GALNT17: variants seen among roughly 807,000 people sequenced by gnomAD.
GALNT17 encodes the protein polypeptide N-acetylgalactosaminyltransferase 17.
In GALNT17, 29 loss-of-function variants were observed where a neutral mutation model predicts 63.7. The ratio of observed to expected loss-of-function variants is 0.46; its 90% CI spans 0.34 to 0.62. The LOEUF is 0.62. Ranked by LOEUF, GALNT17 falls within the 20% of genes least tolerant of loss-of-function variation. The pLI is 0.01. For missense variants in GALNT17, 603 were observed against 799.6 expected, an observed-to-expected ratio of 0.75 and a Z score of 2.97; for synonymous variants, 305 against 318.3, an observed-to-expected ratio of 0.96 and a Z score of 0.45.
At chr7:71,278,224 A>C (rs1790716494) in intron 1 of GALNT17, among the ~76,000 whole-genome samples, 2 of 152,230 alleles carry the variant, frequency 1.3e-5, no homozygotes, top group Admixed American at 1.3e-4. Flanking sequence ...ACAGATGAGC[A>C]AATTGAGGCT....
intron 9 of GALNT17, among the ~76,000 whole-genome samples, chr7:71,701,638 C>T (rs573297957): frequency 1.2e-4 from 18 of 151,394 alleles, no homozygotes; most frequent in African/African-American, 4.4e-4. Flanking sequence ...CTTGTATGTT[C>T]ATCACAGCAC....
intron 5 of GALNT17, among the ~76,000 whole-genome samples, chr7:71,513,005 A>G (rs1788386185): frequency 6.6e-6 from 1 of 152,222 alleles, no homozygotes; most frequent in Non-Finnish European, 1.5e-5. Context: ...TGCAATTAAA[A>G]CACATTAAAA....
intron 6 of GALNT17, among the ~76,000 whole-genome samples, chr7:71,600,299 TA>T (rs202191487): frequency 6.0e-4 from 85 of 142,608 alleles, no homozygotes; most frequent in African/African-American, 1.8e-3. Flanking sequence ...GGGATGATAA[TA>T]AAAAAAAAAT....
chr7:71,518,802 G>A (rs1788483072), intron 5 of GALNT17, among the ~76,000 whole-genome samples: 1 of 152,180 alleles, frequency 6.6e-6, no homozygotes, highest in Admixed American at 6.5e-5. Context: ...CTGGGTTCCA[G>A]TAAATGGTCT....
At chr7:71,450,463 T>A (rs1787241653) in intron 5 of GALNT17, among the ~76,000 whole-genome samples, 1 of 152,224 alleles carries the variant, frequency 6.6e-6, no homozygotes. Context: ...AGTGGATTAG[T>A]GGAACTCGTG....
chr7:71,498,776 A>G (rs774390907), intron 5 of GALNT17, among the ~76,000 whole-genome samples: 8 of 152,134 alleles, frequency 5.3e-5, no homozygotes, highest in Non-Finnish European at 1.0e-4. Flanking sequence ...GCCTCTGAAA[A>G]CCCTGGAGAA....
chr7:71,374,686 A>G (rs940356313), intron 2 of GALNT17, among the ~76,000 whole-genome samples: 6 of 149,682 alleles, frequency 4.0e-5, no homozygotes, highest in Non-Finnish European at 7.4e-5. Flanking sequence ...CATAGTAGAA[A>G]CAGGATCTGC....
chr7:71,309,381 G>A (rs550985879), intron 1 of GALNT17, among the ~76,000 whole-genome samples: 2 of 151,934 alleles, frequency 1.3e-5, no homozygotes, highest in African/African-American at 2.4e-5. Flanking sequence ...GTGAGTTGAG[G>A]CACACGCTTT....
chr7:71,285,020 G>A (rs1479415664), intron 1 of GALNT17, among the ~76,000 whole-genome samples: 6 of 152,024 alleles, frequency 3.9e-5, no homozygotes, highest in African/African-American at 1.2e-4. Flanking sequence ...GAAAAATAAT[G>A]CAAAATTCAT....
At chr7:71,337,885 A>G (rs1791937767) in intron 2 of GALNT17, among the ~76,000 whole-genome samples, 1 of 151,850 alleles carries the variant, frequency 6.6e-6, no homozygotes, top group African/African-American at 2.4e-5. Context: ...ACAAACAAAC[A>G]AACAAACAAC....
At chr7:71,439,308 C>T (rs1029232790) in intron 5 of GALNT17, among the ~76,000 whole-genome samples, 2 of 152,190 alleles carry the variant, frequency 1.3e-5, no homozygotes, top group African/African-American at 2.4e-5. Flanking sequence ...AGTGCACTTA[C>T]AGAATGGTGA....
intron 9 of GALNT17, 78 bp from the exon 10 acceptor site, chr7:71,710,683 A>G (rs752454945): frequency 1.8e-5 from 27 of 1,529,332 alleles, no homozygotes; most frequent in Non-Finnish European, 2.3e-5. Flanking sequence ...TAAAGCCGAG[A>G]GACCTGAGCC....
At chr7:71,587,685 A>G (rs1789739782) in intron 6 of GALNT17, among the ~76,000 whole-genome samples, 1 of 152,084 alleles carries the variant, frequency 6.6e-6, no homozygotes. Flanking sequence ...TGCTGTGGGT[A>G]ATACTTTTTT....
intron 1 of GALNT17, among the ~76,000 whole-genome samples, chr7:71,297,255 G>A (rs975994333): frequency 2.0e-5 from 3 of 152,058 alleles, no homozygotes; most frequent in Non-Finnish European, 4.4e-5. Flanking sequence ...ACCAAAAGAC[G>A]CCTGGGGCCG....
At chr7:71,572,621 C>T (rs920746909) in intron 6 of GALNT17, among the ~76,000 whole-genome samples, 4 of 151,452 alleles carry the variant, frequency 2.6e-5, no homozygotes, top group South Asian at 2.1e-4. Context: ...CATCCATTAC[C>T]TCCATCTAAT....
At chr7:71,160,073 C>T (rs1275466272) in intron 1 of GALNT17, among the ~76,000 whole-genome samples, 1 of 152,100 alleles carries the variant, frequency 6.6e-6, no homozygotes, top group African/African-American at 2.4e-5. Flanking sequence ...GTGTGAGCCA[C>T]CGTACCCAAC....
chr7:71,353,461 G>A (rs142901702), intron 2 of GALNT17, among the ~76,000 whole-genome samples: 151 of 152,230 alleles, frequency 9.9e-4, no homozygotes, highest in Non-Finnish European at 4.1e-4. Flanking sequence ...CCTAGATCAT[G>A]TATTACATTC....
At chr7:71,705,414 G>A (rs567378746) in intron 9 of GALNT17, among the ~76,000 whole-genome samples, 1 of 152,244 alleles carries the variant, frequency 6.6e-6, no homozygotes, top group South Asian at 2.1e-4. Context: ...ATTGCTGGTG[G>A]GAGTGTAAAA....
chr7:71,701,791 A>T (rs574034078), intron 9 of GALNT17, among the ~76,000 whole-genome samples: 1 of 39,118 alleles, frequency 2.6e-5, no homozygotes, highest in African/African-American at 8.9e-5. Context: ...GTGTATATAT[A>T]TGTGTGTGTG....
Sources: allele counts gnomAD v4.1 joint callset (sites outside exome capture counted in the v4.1 genomes callset), GRCh38; gene constraint gnomAD v4.1.1; transcripts MANE v1.5; gene names NCBI Gene and HGNC (gene_info 2026-07-23, HGNC 2026-07-21).